Variants in CACNG3 observed in about 807,000 individuals in gnomAD.
CACNG3 encodes the protein voltage-dependent calcium channel gamma-3 subunit.
In CACNG3, 3 loss-of-function variants were observed where a neutral mutation model predicts 28.5. That is an observed-to-expected ratio of 0.11 (90% CI 0.05 to 0.27). The LOEUF (loss-of-function observed/expected upper bound fraction) is 0.27. Ranked by LOEUF, CACNG3 falls within the 10% of genes least tolerant of loss-of-function variation. CACNG3 has a pLI of 1.00. For missense variants in CACNG3, 236 were observed against 414.4 expected (o/e 0.57, Z 3.74); for synonymous variants, 174 against 162.2 (o/e 1.07, Z -0.55).
intron 1 of CACNG3, among the ~76,000 whole-genome samples, chr16:24,302,286 A>G (rs1208362241): frequency 6.6e-6 from 1 of 152,156 alleles, no homozygotes; most frequent in Non-Finnish European, 1.5e-5. Context: ...GGGTCTGTAA[A>G]AATAAGCCTC....
intron 3 of CACNG3, among the ~76,000 whole-genome samples, chr16:24,360,601 C>T (rs1469153142): frequency 6.6e-6 from 1 of 152,208 alleles, no homozygotes; most frequent in East Asian, 1.9e-4. Flanking sequence ...CCATACATTT[C>T]CACTGAGCAG....
At chr16:24,264,704 G>A (rs181978208) in intron 1 of CACNG3, among the ~76,000 whole-genome samples, 1 of 152,328 alleles carries the variant, frequency 6.6e-6, no homozygotes, top group African/African-American at 2.4e-5. Context: ...CGAGGAAGGA[G>A]CAGGGATAGT....
At chr16:24,257,758 G>A (rs907541251) in intron 1 of CACNG3, among the ~76,000 whole-genome samples, 8 of 152,154 alleles carry the variant, frequency 5.3e-5, no homozygotes, top group Admixed American at 3.3e-4. Context: ...TCCAAGAATT[G>A]CAGTTCGTCA....
intron 3 of CACNG3, among the ~76,000 whole-genome samples, chr16:24,356,554 T>C (rs572834545): frequency 6.6e-6 from 1 of 152,166 alleles, no homozygotes; most frequent in Non-Finnish European, 1.5e-5. Flanking sequence ...GTTTAAAAAT[T>C]AGCTAGGCCT....
chr16:24,362,137 C>G lies in CACNG3; in HGVS notation c.*274C>G. ...TTTCTTCCTTCTTTACTGGAAGGAC[C>G]TCCACATTCTTCCCTCCTTGGAAGA... On this transcript the variant is annotated 3_prime_UTR_variant, in exon 4 of 4. Coordinates refer to ENST00000005284, the MANE Select transcript of CACNG3 (RefSeq NM_006539.4). 3.0e-6 allele frequency: 1 copy of G among 335,770 alleles called. No homozygotes were observed. The highest frequency in any genetic ancestry group is 8.0e-4 in the Middle Eastern group (1 of 1,250). 20.8% of individuals were successfully genotyped at this position (335,770 alleles called of 1,614,324 possible).
rs150867981 is a variant in CACNG3 at position 24,348,607 on chromosome 16, G to A, written c.295+1790G>A. On this transcript the variant is annotated intron_variant, in intron 2 of 3. Coordinates refer to ENST00000005284, the MANE Select transcript of CACNG3 (RefSeq NM_006539.4). ...GACTTGCGTTACTCAGATAAAAGTT[G>A]TTTTCTTTTCTCACCCCTCACATCA... Among the ~76,000 whole-genome samples, 201 of 152,234 alleles carry A rather than the reference G, an allele frequency of 1.3e-3. 1 individual carries two copies. The highest frequency in any genetic ancestry group is 4.3e-3 in the African/African-American group (179 of 41,522).
At chr16:24,266,469 G>T (rs1898609977) in intron 1 of CACNG3, among the ~76,000 whole-genome samples, 1 of 152,092 alleles carries the variant, frequency 6.6e-6, no homozygotes, top group Non-Finnish European at 1.5e-5. Context: ...GACACTTAGG[G>T]TCATCCAAAC....
chr16:24,338,260 T>A (rs79286265), intron 1 of CACNG3, among the ~76,000 whole-genome samples: 2 of 152,138 alleles, frequency 1.3e-5, no homozygotes, highest in African/African-American at 2.4e-5. Context: ...AACAACCCTA[T>A]CCAATGTTGC....
rs150042558 is a variant in CACNG3, at chr16:24,280,181, G to A, written c.211+23216G>A. On this transcript the variant is annotated intron_variant, in intron 1 of 3. Coordinates refer to ENST00000005284, the MANE Select transcript of CACNG3 (RefSeq NM_006539.4). Reference sequence around the variant, plus strand: ...CACAGATAGAGTTTATTGGGTCGTGGAAAGCCAGTTGTGTGTAACCGTCAT... The same window carrying A: ...CACAGATAGAGTTTATTGGGTCGTGAAAAGCCAGTTGTGTGTAACCGTCAT... Among the ~76,000 whole-genome samples, 1,238 of 152,296 alleles carry A rather than the reference G, an allele frequency of 8.1e-3. 10 individuals are homozygous for A. Among genetic ancestry groups the A allele is most frequent in the Admixed American group, 9.8e-3 (150 of 15,296 alleles).
rs200602369 is a variant in CACNG3, at chr16:24,317,642, G to GAAA, written c.212-29090_212-29088dup. ...AGAAAGAAAGACAGACAGAAAGAAA[G>GAAA]AAAAGAAAAGAAAGAAAGAAAGAAA... On this transcript the variant is annotated intron_variant, in intron 1 of 3. Coordinates refer to ENST00000005284, the MANE Select transcript of CACNG3 (RefSeq NM_006539.4). Among the ~76,000 whole-genome samples, 2 of 33,804 alleles carry GAAA rather than the reference G, an allele frequency of 5.9e-5. 1 individual carries two copies. 22.2% of individuals were successfully genotyped at this position (33,804 alleles called of 152,430 possible).
intron 3 of CACNG3, among the ~76,000 whole-genome samples, chr16:24,355,766 AC>A (rs1302180052): frequency 2.0e-5 from 3 of 151,958 alleles, no homozygotes; most frequent in Non-Finnish European, 4.4e-5. Flanking sequence ...CTCTGCCATC[AC>A]CCTGCAAAGT....
intron 1 of CACNG3, among the ~76,000 whole-genome samples, chr16:24,278,848 G>A (rs1458102649): frequency 1.3e-5 from 2 of 152,118 alleles, no homozygotes; most frequent in Admixed American, 6.5e-5. Context: ...TAACTCCATG[G>A]CTTTCCTTCT....
At chr16:24,284,268 A>C (rs1040675803) in intron 1 of CACNG3, among the ~76,000 whole-genome samples, 2 of 152,146 alleles carry the variant, frequency 1.3e-5, no homozygotes, top group African/African-American at 4.8e-5. Flanking sequence ...TAACTTGCTG[A>C]AATGATTTTC....
chr16:24,354,307 C>G (rs993682487), intron 2 of CACNG3, among the ~76,000 whole-genome samples: 2 of 152,140 alleles, frequency 1.3e-5, no homozygotes, highest in Non-Finnish European at 2.9e-5. Context: ...TCCTTGGGTG[C>G]AGGGACATTC....
At chr16:24,331,103 G>A (rs1899625737) in intron 1 of CACNG3, among the ~76,000 whole-genome samples, 1 of 152,160 alleles carries the variant, frequency 6.6e-6, no homozygotes, top group Non-Finnish European at 1.5e-5. Context: ...TCCTACAGCA[G>A]TGCCTACAAA....
At chr16:24,326,310 T>G (rs1469348230) in intron 1 of CACNG3, among the ~76,000 whole-genome samples, 1 of 152,146 alleles carries the variant, frequency 6.6e-6, no homozygotes, top group Admixed American at 6.5e-5. Context: ...TAGCTGGGAT[T>G]ACAGGCATGC....
intron 1 of CACNG3, among the ~76,000 whole-genome samples, chr16:24,307,026 G>A (rs111561140): frequency 1.6e-4 from 25 of 152,266 alleles, no homozygotes; most frequent in African/African-American, 2.6e-4. Flanking sequence ...GGTCACACCC[G>A]CTTCCCAGAG....
At chr16:24,257,145 GT>G (rs1898470103) in intron 1 of CACNG3, among the ~76,000 whole-genome samples, 180 bp downstream of exon 1, 1 of 152,028 alleles carries the variant, frequency 6.6e-6, no homozygotes, top group Non-Finnish European at 1.5e-5. Flanking sequence ...AAGGGGTTGG[GT>G]CTTGTTGATT....
At chr16:24,309,812 G>A (rs572711886) in intron 1 of CACNG3, among the ~76,000 whole-genome samples, 3 of 152,326 alleles carry the variant, frequency 2.0e-5, no homozygotes, top group South Asian at 4.1e-4. Flanking sequence ...AGAGGGCGTG[G>A]CGCATGCTAA....
Sources: allele counts gnomAD v4.1 joint callset (sites outside exome capture counted in the v4.1 genomes callset), GRCh38; gene constraint gnomAD v4.1.1; transcripts MANE v1.5; gene names NCBI Gene and HGNC (gene_info 2026-07-23, HGNC 2026-07-21).